TRIM66: variants seen among roughly 807,000 people sequenced by gnomAD.
TRIM66 encodes the protein tripartite motif containing 66.
In TRIM66, 99 loss-of-function variants were observed where a neutral mutation model predicts 148.2. That is an observed-to-expected ratio of 0.67 (90% CI 0.57 to 0.79). The LOEUF (loss-of-function observed/expected upper bound fraction) is 0.79. Among genes scored for constraint, TRIM66 ranks in the 30% least tolerant of loss-of-function variants. The pLI, the probability that TRIM66 is intolerant of heterozygous loss-of-function variation, is 0.00. For missense variants in TRIM66, 1,666 were observed against 1,697.9 expected, an observed-to-expected ratio of 0.98 and a Z score of 0.33; for synonymous variants, 616 against 635.9, an observed-to-expected ratio of 0.97 and a Z score of 0.47.
At chr11:8,672,482 T>A (rs1592209229) in intron 4 of TRIM66, 97 bp from the exon 5 acceptor site, 13 of 1,311,012 alleles carry the variant, frequency 9.9e-6, no homozygotes, top group Non-Finnish European at 1.3e-5. Flanking sequence ...TGAGACACTT[T>A]TACAAATTAA....
chr11:8,645,953 G>A lies in TRIM66; in HGVS notation c.958-66C>T, dbSNP rs1257937812. 2.0e-6 allele frequency: 3 copies of A among 1,490,664 alleles called. No individual in the cohort carries two copies. In the East Asian group the frequency reaches 7.4e-5, roughly 37 times the overall value. 92.3% of individuals were successfully genotyped at this position (1,490,664 alleles called of 1,614,324 possible). On this transcript the variant is annotated intron_variant, in intron 11 of 24. Transcript: ENST00000646038. ...GGACTGTAATCCACCTGCTTGGGAA[G>A]TCTGGTGGCTTGTGTGTGTCACTGA... is the stretch of plus-strand genomic sequence containing the variant.
In TRIM66 at chr11:8,648,426, T is replaced by C; in HGVS notation, c.715A>G (p.Lys239Glu). 1 of 1,551,596 alleles carries C rather than the reference T, an allele frequency of 6.4e-7. No homozygotes were observed. The highest frequency in any genetic ancestry group is 2.4e-5 in the East Asian group (1 of 40,926). The change falls in exon 9 of 25, where the codon AAA (lysine) becomes GAA (glutamate). Residue 239 changes from lysine (K) to glutamate (E), a missense_variant. Lys to Glu is a moderately conservative substitution (Grantham distance 56, BLOSUM62 1). This residue lies in a region of TRIM66 where 1,431 missense variants were observed against 1,412.4 expected (regional missense o/e 1.01). Transcript: ENST00000646038. ...TCHSCLVVEH[K>E]EHRCRHVEEV... The stretch of plus-strand genomic sequence containing the variant: ...GTCTGTCAGCCCCACCTGTGTTCTT[T>C]GTGTTCCACCACTAGGCAGCTATGG...
chr11:8,631,845 G>A (rs1235904671), intron 15 of TRIM66, among the ~76,000 whole-genome samples: 1 of 152,166 alleles, frequency 6.6e-6, no homozygotes, highest in Admixed American at 6.5e-5. Flanking sequence ...GTTTTGTGAT[G>A]GCTGTTTTTG....
chr11:8,678,444 C>T (rs1381115847), intron 3 of TRIM66, among the ~76,000 whole-genome samples: 1 of 152,108 alleles, frequency 6.6e-6, no homozygotes, highest in Non-Finnish European at 1.5e-5. Context: ...TTGCAGACAG[C>T]TATGTCTCCA....
At position 8,624,497 on chromosome 11, in the gene TRIM66, C is replaced by G. The variant is rs2034618360; in HGVS notation, c.2881G>C (p.Val961Leu). 6.5e-7 allele frequency: 1 copy of G among 1,549,524 alleles called. No homozygotes were observed. Among genetic ancestry groups the G allele is most frequent in the Admixed American group, 2.0e-5 (1 of 50,268 alleles). ...FTDLLGQGPI[V>L]PGLDAPKDLA... is the part of the protein sequence containing the mutation. Reference sequence around the variant, plus strand: ...TCCTTGGGAGCATCCAGACCGGGGACTATGGGACCTTGTCCCAGTAAGTCA... The same window carrying G: ...TCCTTGGGAGCATCCAGACCGGGGAGTATGGGACCTTGTCCCAGTAAGTCA... The change falls in exon 17 of 25, where the codon GTC (valine) becomes CTC (leucine). Residue 961 changes from valine to leucine, a missense_variant. Val to Leu is a conservative substitution (Grantham distance 32). Transcript: ENST00000646038.
intron 20 of TRIM66, 149 bp downstream of exon 20, chr11:8,620,883 G>A (rs1236768403): frequency 6.4e-6 from 7 of 1,088,630 alleles, no homozygotes; most frequent in Non-Finnish European, 9.0e-6. Context: ...AAGATACCCA[G>A]GCCCATTAAC....
At position 8,670,201 on chromosome 11, in the gene TRIM66, T is replaced by C. The variant is rs144985021; in HGVS notation, c.340+1585A>G. Reference sequence around the variant, plus strand: ...CTAATTTTTGTATTTTTAGTAGAGATAGGGTTTCACCATGTTGCCCAGGCT... The same window carrying C: ...CTAATTTTTGTATTTTTAGTAGAGACAGGGTTTCACCATGTTGCCCAGGCT... On this transcript the variant is annotated intron_variant, in intron 6 of 24. Transcript: ENST00000646038. Among the ~76,000 whole-genome samples, 466 of 152,020 alleles carry C rather than the reference T, an allele frequency of 3.1e-3. 5 individuals carry two copies. The highest frequency in any genetic ancestry group is 3.2e-3 in the Non-Finnish European group (219 of 67,954).
chr11:8,633,125 C>T (rs2035566574), intron 15 of TRIM66, among the ~76,000 whole-genome samples: 2 of 152,146 alleles, frequency 1.3e-5, no homozygotes, highest in Admixed American at 1.3e-4. Flanking sequence ...GTATTTTGCC[C>T]AGGCCAGTGT....
chr11:8,652,638 A>C (rs942892627), intron 6 of TRIM66, among the ~76,000 whole-genome samples: 1 of 152,022 alleles, frequency 6.6e-6, no homozygotes, highest in Non-Finnish European at 1.5e-5. Flanking sequence ...GCAGCAGAAG[A>C]CTCCCACCCT....
At position 8,682,599 on chromosome 11, in the gene TRIM66, A is replaced by C; in HGVS notation, c.-548+2T>G. The C allele has an allele frequency of 1.6e-6, 1 of 617,520 alleles. No homozygotes were observed. Among genetic ancestry groups the C allele is most frequent in the Non-Finnish European group, 2.9e-6 (1 of 344,586 alleles). The allele number at this position is 617,520 out of a possible 1,614,324, so 38.3% of individuals were successfully genotyped here. A position where few individuals can be genotyped will look rare whatever the true frequency, so the allele number is the denominator to read the frequency against. On this transcript the variant is annotated splice_donor_variant, in intron 1 of 24. Coordinates refer to ENST00000646038, the MANE Select transcript of TRIM66 (RefSeq NM_001388022.1). LOFTEE classifies it low-confidence loss of function (5UTR_SPLICE). ...CTCCGAGCCTAGCACAACGAGCCTC[A>C]CCGAAACCGTACACCGCCACCAGGA... is the stretch of plus-strand genomic sequence containing the variant.
rs899391104 is a variant in TRIM66 at position 8,651,804 on chromosome 11, G to A, written c.440C>T (p.Ala147Val). 1.3e-6 allele frequency: 2 copies of A among 1,551,504 alleles called. No homozygotes were observed. Among genetic ancestry groups the A allele is most frequent in the Admixed American group, 2.0e-5 (1 of 51,004 alleles). The stretch of plus-strand genomic sequence containing the variant: ...TCTTTCCTTGTCCTGACTTACCCTG[G>A]CCATCTTGGGTTGCTCAGTAGGAAC... ...HCVPTEQPKM[A>V]RNCSECKEKR... The change falls in exon 7 of 25, where the codon GCC becomes GTC. Residue 147 changes from alanine (A) to valine (V), a missense_variant. By Grantham distance (64) the Ala-to-Val change is moderately conservative (BLOSUM62 0). This residue lies in a region of TRIM66 where 1,431 missense variants were observed against 1,412.4 expected (regional missense o/e 1.01). Coordinates refer to ENST00000646038, the MANE Select transcript of TRIM66 (RefSeq NM_001388022.1).
intron 12 of TRIM66, among the ~76,000 whole-genome samples, chr11:8,643,473 A>G (rs1488848176): frequency 6.6e-6 from 1 of 151,528 alleles, no homozygotes; most frequent in African/African-American, 2.4e-5. Flanking sequence ...CTGAGTAGCT[A>G]GGACTACAGG....
chr11:8,657,520 A>T (rs185271754), intron 6 of TRIM66, among the ~76,000 whole-genome samples: 86 of 152,246 alleles, frequency 5.6e-4, no homozygotes, highest in African/African-American at 2.0e-3. Flanking sequence ...AACATAGGTG[A>T]TACCGTGAAC....
At position 8,620,932 on chromosome 11, in the gene TRIM66, G is replaced by T. The variant is rs2034150243; in HGVS notation, c.3545+100C>A. On this transcript the variant is annotated intron_variant, in intron 20 of 24. Coordinates refer to ENST00000646038, the MANE Select transcript of TRIM66 (RefSeq NM_001388022.1). ...ATTCAAGCAGGTCCAGAAGAGGGGA[G>T]TAAGCCCATCCTGGGAGCTCTGTGG... 3 of 1,442,056 alleles carry T rather than the reference G, an allele frequency of 2.1e-6. No individual in the cohort carries two copies. The Admixed American group carries it at 7.2e-5, about 34-fold the overall frequency. 89.3% of individuals were successfully genotyped at this position (1,442,056 alleles called of 1,614,324 possible).
chr11:8,640,542 A>AGGGGGAAGGGGAGG lies in TRIM66; in HGVS notation c.1832_1833insCCTCCCCTTCCCCC (p.Pro612LeufsTer46). 2 of 707,726 alleles carry AGGGGGAAGGGGAGG rather than the reference A, an allele frequency of 2.8e-6. No individual in the cohort carries two copies. Among genetic ancestry groups the AGGGGGAAGGGGAGG allele is most frequent in the South Asian group, 1.8e-5 (1 of 56,002 alleles). The allele number at this position is 707,726 out of a possible 1,614,324, so 43.8% of individuals were successfully genotyped here. A position where few individuals can be genotyped will look rare whatever the true frequency, so the allele number is the denominator to read the frequency against. On this transcript the variant is annotated frameshift_variant, in exon 14 of 25. Transcript: ENST00000646038. LOFTEE classifies it high-confidence loss of function. ...GGGGAGGGGGAAGGGGAGGTGGGGG[A>AGGGGGAAGGGGAGG]TGGGGGAGGGGTGGTGGTGGAGGTG...
intron 15 of TRIM66, among the ~76,000 whole-genome samples, chr11:8,630,555 A>C (rs2035293546): frequency 1.3e-5 from 2 of 152,306 alleles, no homozygotes; most frequent in South Asian, 4.1e-4. Flanking sequence ...AAATGCCAAA[A>C]CACATTCACT....
chr11:8,622,353 C>CATATATATATATAT lies in TRIM66; in HGVS notation c.3080+462_3080+463insATATATATATATAT, dbSNP rs1181138142. Among the ~76,000 whole-genome samples the CATATATATATATAT allele has an allele frequency of 3.4e-3, 182 of 54,278 alleles. 4 individuals are homozygous for CATATATATATATAT. Among genetic ancestry groups the CATATATATATATAT allele is most frequent in the Non-Finnish European group, 7.8e-3 (154 of 19,740 alleles). 35.6% of individuals were successfully genotyped at this position (54,278 alleles called of 152,430 possible). A position where few individuals can be genotyped will look rare whatever the true frequency, so the allele number is the denominator to read the frequency against. On this transcript the variant is annotated intron_variant, in intron 18 of 24. Coordinates refer to ENST00000646038, the MANE Select transcript of TRIM66 (RefSeq NM_001388022.1). The stretch of plus-strand genomic sequence containing the variant: ...CACACACACACAACACACACACACA[C>CATATATATATATAT]ACACACACACACATATATATATATA...
intron 1 of TRIM66, among the ~76,000 whole-genome samples, chr11:8,681,640 C>T (rs1330585190): frequency 7.4e-6 from 1 of 135,092 alleles, no homozygotes; most frequent in East Asian, 2.0e-4. Context: ...GACTTAAGAG[C>T]GAAGACATGC....
At position 8,624,761 on chromosome 11, in the gene TRIM66, C is replaced by G; in HGVS notation, c.2778G>C (p.Leu926=). ...SSSSGRTSGS[L]CPRDGADPSL... ...AGGGATCAGCCCCATCTCTGGGACA[C>G]AGGCTCCCTGAAGTTCGGCCAGAAC... is the stretch of plus-strand genomic sequence containing the variant. The change falls in exon 16 of 25, where the codon CTG becomes CTC. Residue 926 remains leucine (L), a synonymous_variant. Coordinates refer to ENST00000646038, the MANE Select transcript of TRIM66 (RefSeq NM_001388022.1). 1 of 1,547,678 alleles carries G rather than the reference C, an allele frequency of 6.5e-7. No homozygotes were observed.
Sources: allele counts gnomAD v4.1 joint callset (sites outside exome capture counted in the v4.1 genomes callset), GRCh38; gene constraint gnomAD v4.1.1; regional missense constraint gnomAD v4.1.1; transcripts MANE v1.5; gene names NCBI Gene and HGNC (gene_info 2026-07-23, HGNC 2026-07-21).